The following TSPAN16 variants were observed in gnomAD, a reference collection of about 807,000 sequenced individuals.
TSPAN16 encodes tetraspanin-16.
TSPAN16 carries 23 observed loss-of-function variants against 25.2 expected under a neutral mutation model. The observed-to-expected ratio is 0.91, with a 90% CI of 0.66 to 1.29. The LOEUF is 1.29. TSPAN16 is among the 50% of genes most tolerant of loss of function. The pLI, the probability that TSPAN16 is intolerant of heterozygous loss-of-function variation, is 0.00. For missense variants in TSPAN16, 272 were observed against 299.9 expected (o/e 0.91, Z 0.69); for synonymous variants, 123 against 124.4 (o/e 0.99, Z 0.08).
intron 6 of TSPAN16, among the ~76,000 whole-genome samples, chr19:11,321,790 C>G (rs1015046202): frequency 6.6e-6 from 1 of 152,162 alleles, no homozygotes; most frequent in East Asian, 1.9e-4. Context: ...GAGGAATGCG[C>G]TGTGACTCAG....
intron 4 of TSPAN16, among the ~76,000 whole-genome samples, chr19:11,304,103 T>C (rs990622689): frequency 4.0e-5 from 6 of 151,592 alleles, no homozygotes; most frequent in Admixed American, 1.3e-4. Flanking sequence ...ATTTTGATCA[T>C]TGCCATCCTA....
chr19:11,323,514 C>G (rs1455393898), intron 6 of TSPAN16: 1 of 152,160 alleles, frequency 6.6e-6, no homozygotes, highest in African/African-American at 2.4e-5. Context: ...TCGCTTGAAC[C>G]CTGGAGGTGG....
chr19:11,319,969 C>T (rs1209135526), downstream of TSPAN16, among the ~76,000 whole-genome samples: 1 of 151,988 alleles, frequency 6.6e-6, no homozygotes, highest in Non-Finnish European at 1.5e-5. Flanking sequence ...CGCCCGCCAC[C>T]ACGCCCGGCT....
Position 11,315,242 on chromosome 19 carries a change from A to AATAATG in TSPAN16, c.688-544_688-543insGATAAT, listed in dbSNP as rs2080734515. ...CAGAGTGAGACTCCTTCTCAATAAT[A>AATAATG]ATAATAATAATAATAATAATAATAA... On this transcript the variant is annotated intron_variant, in intron 6 of 6. Transcript: ENST00000590327. Among the ~76,000 whole-genome samples the AATAATG allele has an allele frequency of 2.4e-5, 3 of 122,586 alleles. 1 individual carries two copies. The South Asian group carries it at 7.6e-4, about 31-fold the overall frequency. The allele number at this position is 122,586 out of a possible 152,430, so 80.4% of individuals were successfully genotyped here.
chr19:11,320,692 A>AGAAAAG (rs746729295), downstream of TSPAN16, among the ~76,000 whole-genome samples: 13 of 151,696 alleles, frequency 8.6e-5, no homozygotes, highest in Non-Finnish European at 1.6e-4. Flanking sequence ...AAAAAAGAAA[A>AGAAAAG]GAAAAGAAAA....
At position 11,298,205 on chromosome 19, in the gene TSPAN16, A is replaced by C. The variant is rs375439293; in HGVS notation, c.133A>C (p.Asn45His). 1.9e-6 allele frequency: 3 copies of C among 1,614,038 alleles called. No individual in the cohort carries two copies. The African/African-American group carries it at 4.0e-5, about 22-fold the overall frequency. ...TAAATGTGGAGGGGCCTCTCTGACG[A>C]ATGTCCTCGGGCTGTCCTCCGCATA... ...GGKCGGASLTNVLGLSSAYLL... is the reference protein window; with the variant it reads ...GGKCGGASLTHVLGLSSAYLL... The change falls in exon 2 of 7, where the codon AAT (asparagine) becomes CAT (histidine). Residue 45 changes from asparagine to histidine, a missense_variant. Coordinates refer to ENST00000590327, the MANE Select transcript of TSPAN16 (RefSeq NM_001282509.2).
chr19:11,324,285 C>T (rs1398568312), intron 6 of TSPAN16: 1 of 152,654 alleles, frequency 6.6e-6, no homozygotes, highest in Non-Finnish European at 1.5e-5. Flanking sequence ...GAAGTGACTC[C>T]TCCATTAGCA....
chr19:11,317,684 G>A (rs141569244), downstream of TSPAN16, among the ~76,000 whole-genome samples: 97 of 151,598 alleles, frequency 6.4e-4, no homozygotes, highest in African/African-American at 1.9e-3. Context: ...TAGTAGAGAC[G>A]GGGTTTCATC....
intron 5 of TSPAN16, among the ~76,000 whole-genome samples, chr19:11,309,090 TC>T (rs140500900): frequency 0.14 from 20,645 of 151,922 alleles, 1,500 homozygotes; most frequent in Middle Eastern, 0.17. Flanking sequence ...GAACCTGTAG[TC>T]CCAGCTAACT....
At chr19:11,299,109 G>A (rs1175171538) in intron 3 of TSPAN16, among the ~76,000 whole-genome samples, 163 bp downstream of exon 3, 3 of 151,954 alleles carry the variant, frequency 2.0e-5, no homozygotes, top group African/African-American at 2.4e-5. Context: ...GTGAAACCCC[G>A]TCTCTACCAA....
At position 11,298,163 on chromosome 19, in the gene TSPAN16, G is replaced by C. The variant is rs117664556; in HGVS notation, c.91G>C (p.Gly31Arg). ...FVAVSGIILV[G>R]LGIGGKCGGA... is the part of the protein sequence containing the mutation. ...AAAGGTGTCTGGCATCATCCTAGTT[G>C]GCCTGGGCATTGGTGGTAAATGTGG... The change falls in exon 2 of 7, where the codon GGC becomes CGC. Residue 31 changes from glycine to arginine, a missense_variant. Gly to Arg is a moderately radical substitution (Grantham distance 125, BLOSUM62 -2). Transcript: ENST00000590327. 383 of 1,614,086 alleles carry C rather than the reference G, an allele frequency of 2.4e-4. 3 individuals carry two copies. In the East Asian group the frequency reaches 6.9e-3, roughly 29 times the overall value.
At chr19:11,308,716 G>T (rs549279476) in intron 5 of TSPAN16, among the ~76,000 whole-genome samples, 2 of 151,248 alleles carry the variant, frequency 1.3e-5, no homozygotes, top group African/African-American at 4.9e-5. Context: ...CTCATGATCC[G>T]CCCGCCTCGG....
intron 5 of TSPAN16, among the ~76,000 whole-genome samples, chr19:11,307,624 T>C (rs1350633960): frequency 6.9e-6 from 1 of 145,894 alleles, no homozygotes; most frequent in African/African-American, 2.6e-5. Context: ...GATGAGGCCT[T>C]AGTATGTTGC....
At chr19:11,320,133 T>TTTTTTTTTTTTG (rs1224755007), downstream of TSPAN16, among the ~76,000 whole-genome samples, 1 of 148,144 alleles carries the variant, frequency 6.8e-6, no homozygotes, top group African/African-American at 2.5e-5. Flanking sequence ...TTTTTTTTTT[T>TTTTTTTTTTTTG]TTTTTGAGAC....
intron 6 of TSPAN16, chr19:11,324,665 TGTG>T (rs1228352780): frequency 6.6e-6 from 1 of 152,560 alleles, no homozygotes; most frequent in East Asian, 1.9e-4. Context: ...GGATCAGAGA[TGTG>T]GTGAACACAG....
chr19:11,299,009 G>T, intron 3 of TSPAN16, 63 bp downstream of exon 3: 9 of 1,522,560 alleles, frequency 5.9e-6, no homozygotes, highest in South Asian at 2.2e-5. Context: ...GACGGGCACA[G>T]TGGCTCACGC....
intron 6 of TSPAN16, 176 bp downstream of exon 6, chr19:11,312,398 A>T: frequency 2.4e-6 from 1 of 423,466 alleles, no homozygotes; most frequent in Non-Finnish European, 4.2e-6. Flanking sequence ...GATGCTAAAG[A>T]TTAGAGTGAA....
intron 6 of TSPAN16, chr19:11,323,921 C>A (rs1488472541): frequency 6.6e-6 from 1 of 152,210 alleles, no homozygotes; most frequent in Non-Finnish European, 1.5e-5. Context: ...AGTTTGGAAT[C>A]TGATGGGCAG....
At chr19:11,323,909 A>G (rs12980573) in intron 6 of TSPAN16, 5,217 of 152,348 alleles carry the variant, frequency 0.034, 92 homozygotes, top group African/African-American at 0.048. Context: ...CTGCGCCCCT[A>G]GAGTTTGGAA....
Sources: gnomAD v4.1 joint callset for allele counts (sites outside exome capture counted in the v4.1 genomes callset) on GRCh38, gnomAD v4.1.1 for gene constraint, MANE v1.5 for transcripts, NCBI Gene and HGNC (gene_info 2026-07-23, HGNC 2026-07-21) for gene names.